Variants in C12orf42 observed in about 807,000 individuals in gnomAD.
The protein encoded by C12orf42 is uncharacterized protein C12orf42.
A neutral mutation model predicts 21.6 loss-of-function variants in C12orf42; 25 were observed. The observed-to-expected ratio is 1.16, with a 90% CI of 0.84 to 1.62. The LOEUF (loss-of-function observed/expected upper bound fraction) is 1.62, where lower values mean the gene tolerates loss of function less well. Among genes scored for constraint, C12orf42 ranks in the 40% most tolerant of loss-of-function variants. C12orf42 has a pLI of 0.00. For synonymous variants in C12orf42, 174 were observed against 175.0 expected (o/e 0.99, Z 0.05); for missense variants, 483 against 459.3 (o/e 1.05, Z -0.47).
intron 10 of C12orf42, among the ~76,000 whole-genome samples, chr12:103,244,158 G>C (rs1322531406): frequency 6.6e-6 from 1 of 152,074 alleles, no homozygotes; most frequent in Non-Finnish European, 1.5e-5. Flanking sequence ...AAAACATTCA[G>C]CCACCTGGAT....
intron 4 of C12orf42, among the ~76,000 whole-genome samples, chr12:103,326,484 T>C (rs1262272546): frequency 1.3e-5 from 2 of 152,212 alleles, no homozygotes; most frequent in Admixed American, 1.3e-4. Flanking sequence ...TTTATTTTTA[T>C]GGTCACAAGG....
chr12:103,542,817 A>G, the C12orf42 span, among the ~76,000 whole-genome samples: 5 of 152,230 alleles, frequency 3.3e-5, no homozygotes, highest in African/African-American at 1.2e-4. Context: ...CCAATGGATC[A>G]AGGAGTTATA....
chr12:103,299,747 T>C (rs2037529773), downstream of C12orf42, among the ~76,000 whole-genome samples: 1 of 152,200 alleles, frequency 6.6e-6, no homozygotes, highest in South Asian at 2.1e-4. Flanking sequence ...TCAGAACAAA[T>C]GGTATTGGGA....
chr12:103,340,120 A>G (rs1555263104), intron 4 of C12orf42, among the ~76,000 whole-genome samples: 1 of 152,182 alleles, frequency 6.6e-6, no homozygotes, highest in Non-Finnish European at 1.5e-5. Flanking sequence ...TGAGTTGAGG[A>G]GAAAAGAGGA....
intron 2 of C12orf42, among the ~76,000 whole-genome samples, chr12:103,406,512 T>C (rs1317389): frequency 0.18 from 28,134 of 152,174 alleles, 3,087 homozygotes; most frequent in East Asian, 0.35. Context: ...TCTAATGATC[T>C]ATGTTTCCCA....
chr12:103,384,712 A>G (rs1234939160), intron 3 of C12orf42, among the ~76,000 whole-genome samples: 8 of 152,222 alleles, frequency 5.3e-5, no homozygotes, highest in Non-Finnish European at 1.2e-4. Flanking sequence ...GGAATTACAC[A>G]GTTATCCCAG....
At chr12:103,469,896 A>T (rs1953454459) in intron 2 of C12orf42, among the ~76,000 whole-genome samples, 1 of 152,244 alleles carries the variant, frequency 6.6e-6, no homozygotes, top group African/African-American at 2.4e-5. Context: ...TCACATTTTC[A>T]GTTTATGTGT....
At chr12:103,387,628 C>A (rs970641403) in intron 3 of C12orf42, among the ~76,000 whole-genome samples, 1 of 152,196 alleles carries the variant, frequency 6.6e-6, no homozygotes, top group African/African-American at 2.4e-5. Flanking sequence ...CCTCTTCTAC[C>A]CATTGTACAT....
chr12:103,388,227 C>G (rs906393951), intron 3 of C12orf42, among the ~76,000 whole-genome samples: 11 of 152,154 alleles, frequency 7.2e-5, no homozygotes, highest in African/African-American at 2.2e-4. Context: ...TCTGGAGAGT[C>G]TCTTCCTGTC....
chr12:103,409,471 G>A lies in C12orf42; in HGVS notation c.79-7796C>T, dbSNP rs114877119. ...GCTGCTTTTTTCTGAACAATAGGACGGGCAGAAGTTAGATTTACAATGCTG... is the reference window on the plus strand; with the variant it reads ...GCTGCTTTTTTCTGAACAATAGGACAGGCAGAAGTTAGATTTACAATGCTG... On this transcript the variant is annotated intron_variant, in intron 2 of 5. Coordinates refer to ENST00000548883, the MANE Select transcript of C12orf42 (RefSeq NM_198521.5). Among the ~76,000 whole-genome samples, 462 of 152,172 alleles carry A rather than the reference G, an allele frequency of 3.0e-3. 1 individual carries two copies. Among genetic ancestry groups the A allele is most frequent in the African/African-American group, 0.01 (422 of 41,512 alleles).
chr12:103,321,906 C>T (rs1176912747), intron 4 of C12orf42, among the ~76,000 whole-genome samples: 1 of 151,856 alleles, frequency 6.6e-6, no homozygotes, highest in African/African-American at 2.4e-5. Flanking sequence ...GGGAGATATA[C>T]CTAATGCTAG....
intron 4 of C12orf42, among the ~76,000 whole-genome samples, chr12:103,340,051 G>C (rs1435263593): frequency 6.6e-6 from 1 of 152,202 alleles, no homozygotes; most frequent in African/African-American, 2.4e-5. Context: ...TTAGCCCCTT[G>C]AAAGAAGTTT....
chr12:103,375,558 G>A (rs1593686917), intron 3 of C12orf42, among the ~76,000 whole-genome samples: 1 of 152,028 alleles, frequency 6.6e-6, no homozygotes, highest in East Asian at 1.9e-4. Context: ...TGATCAATTA[G>A]GATATCACAT....
chr12:103,425,641 A>C (rs1949741678), intron 2 of C12orf42, among the ~76,000 whole-genome samples: 1 of 152,198 alleles, frequency 6.6e-6, no homozygotes, highest in South Asian at 2.1e-4. Flanking sequence ...AATAGCATCA[A>C]CATCAACAAA....
intron 2 of C12orf42, among the ~76,000 whole-genome samples, chr12:103,432,516 A>T (rs1950340962): frequency 6.6e-6 from 1 of 152,212 alleles, no homozygotes; most frequent in African/African-American, 2.4e-5. Context: ...AATTCATGAC[A>T]TACAATAGGA....
At chr12:103,513,907 A>C in the C12orf42 span, among the ~76,000 whole-genome samples, 6 of 152,214 alleles carry the variant, frequency 3.9e-5, no homozygotes, top group African/African-American at 1.4e-4. Flanking sequence ...TTTGGAGAAA[A>C]ATAAAAAGGA....
intron 3 of C12orf42, among the ~76,000 whole-genome samples, chr12:103,400,444 G>A (rs1398310257): frequency 6.6e-6 from 1 of 152,172 alleles, no homozygotes; most frequent in Non-Finnish European, 1.5e-5. Context: ...GCTGGGGCCT[G>A]TTTCCTTTCT....
chr12:103,243,075 G>C (rs537426701), intron 10 of C12orf42, among the ~76,000 whole-genome samples: 22 of 152,092 alleles, frequency 1.4e-4, no homozygotes, highest in Non-Finnish European at 2.6e-4. Flanking sequence ...TTAGGCTAGA[G>C]TGCAGTGGCA....
intron 2 of C12orf42, among the ~76,000 whole-genome samples, chr12:103,417,510 A>G (rs1228675471): frequency 1.3e-5 from 2 of 151,964 alleles, no homozygotes; most frequent in Admixed American, 6.6e-5. Flanking sequence ...CTTTTCACAC[A>G]CCTCATTGTT....
Sources: gnomAD v4.1 joint callset for allele counts (sites outside exome capture counted in the v4.1 genomes callset) on GRCh38, gnomAD v4.1.1 for gene constraint, MANE v1.5 for transcripts, NCBI Gene and HGNC (gene_info 2026-07-23, HGNC 2026-07-21) for gene names.